The following SDK1 variants were observed in gnomAD, a reference collection of about 807,000 sequenced individuals.
The protein encoded by SDK1 is protein sidekick-1.
A neutral mutation model predicts 245.5 loss-of-function variants in SDK1; 157 were observed. The observed-to-expected ratio is 0.64, with a 90% confidence interval of 0.56 to 0.73. The LOEUF is 0.73. Ranked by LOEUF, SDK1 falls within the 30% of genes least tolerant of loss-of-function variation. The pLI is 0.00. For synonymous variants in SDK1, 1,647 were observed against 1,278.5 expected, an observed-to-expected ratio of 1.29 and a Z score of -6.15; for missense variants, 3,583 against 3,002.3, an observed-to-expected ratio of 1.19 and a Z score of -4.52.
At chr7:3,506,995 A>C (rs1782414751) in intron 1 of SDK1, among the ~76,000 whole-genome samples, 1 of 152,034 alleles carries the variant, frequency 6.6e-6, no homozygotes, top group African/African-American at 2.4e-5. Flanking sequence ...TTTTGTGGGA[A>C]GCTACCTTAC....
intron 14 of SDK1, among the ~76,000 whole-genome samples, chr7:4,001,174 C>G (rs915720442): frequency 6.6e-6 from 1 of 152,204 alleles, no homozygotes; most frequent in African/African-American, 2.4e-5. Flanking sequence ...AGCTTGAGCT[C>G]CAGGAGGTCA....
intron 35 of SDK1, among the ~76,000 whole-genome samples, chr7:4,201,452 C>G (rs1783874532): frequency 6.6e-6 from 1 of 152,298 alleles, no homozygotes; most frequent in Non-Finnish European, 1.5e-5. Flanking sequence ...GAGGAATATA[C>G]AATTTTTAAA....
chr7:3,881,414 C>T (rs555325365), intron 5 of SDK1, among the ~76,000 whole-genome samples: 30 of 152,208 alleles, frequency 2.0e-4, no homozygotes, highest in Non-Finnish European at 2.8e-4. Context: ...CCTTCTGCGT[C>T]CCTGCAAACG....
At chr7:3,498,523 T>C (rs982330966) in intron 1 of SDK1, among the ~76,000 whole-genome samples, 1 of 152,160 alleles carries the variant, frequency 6.6e-6, no homozygotes, top group Non-Finnish European at 1.5e-5. Flanking sequence ...TTGTGGGTAA[T>C]AAAGATTTAT....
At chr7:4,256,404 T>TC (rs1305001032) in intron 44 of SDK1, among the ~76,000 whole-genome samples, 4 of 152,150 alleles carry the variant, frequency 2.6e-5, no homozygotes, top group Non-Finnish European at 4.4e-5. Flanking sequence ...GTGCCTTAAC[T>TC]CCAAGTTTAC....
chr7:3,958,044 C>T (rs1209169843), intron 7 of SDK1: 10 of 470,162 alleles, frequency 2.1e-5, no homozygotes, highest in South Asian at 9.3e-5. Context: ...TTTTAGGTCC[C>T]ACCTTGTTTT....
At position 3,487,296 on chromosome 7, in the gene SDK1, A is replaced by G. The variant is rs975418146; in HGVS notation, c.299-131784A>G. Reference sequence around the variant, plus strand: ...TGTTGAAAAACATACAACTTTACCCATTATTTTGGTATTTCTGGTATTCTC... The same window carrying G: ...TGTTGAAAAACATACAACTTTACCCGTTATTTTGGTATTTCTGGTATTCTC... On this transcript the variant is annotated intron_variant, in intron 1 of 44. Transcript: ENST00000404826. Among the ~76,000 whole-genome samples, 7 of 152,316 alleles carry G rather than the reference A, an allele frequency of 4.6e-5. No homozygotes were observed. The South Asian group carries it at 6.2e-4, about 14-fold the overall frequency.
chr7:3,533,903 C>A (rs1778787673), intron 1 of SDK1, among the ~76,000 whole-genome samples: 1 of 146,344 alleles, frequency 6.8e-6, no homozygotes, highest in Admixed American at 6.8e-5. Flanking sequence ...CTGTTATTTT[C>A]TTGTAAAAAC....
intron 5 of SDK1, among the ~76,000 whole-genome samples, chr7:3,855,707 A>G (rs1780529117): frequency 6.6e-6 from 1 of 152,222 alleles, no homozygotes; most frequent in African/African-American, 2.4e-5. Flanking sequence ...AAAGGCAAAG[A>G]GGCCATTAGG....
chr7:4,127,583 T>C, intron 26 of SDK1, 87 bp downstream of exon 26: 1 of 919,078 alleles, frequency 1.1e-6, no homozygotes, highest in Non-Finnish European at 1.8e-6. Context: ...GCAACGAGCT[T>C]CCTCTTCTCC....
chr7:3,987,422 C>T, intron 14 of SDK1, 100 bp downstream of exon 14: 4 of 1,242,514 alleles, frequency 3.2e-6, no homozygotes, highest in Middle Eastern at 2.8e-4. Context: ...CCCAAAACAA[C>T]TACTAAAATG....
intron 5 of SDK1, among the ~76,000 whole-genome samples, chr7:3,869,561 G>A (rs1701568425): frequency 6.6e-6 from 1 of 152,162 alleles, no homozygotes; most frequent in Non-Finnish European, 1.5e-5. Flanking sequence ...CGGCCACCCT[G>A]TGCCCCCAGC....
intron 13 of SDK1, among the ~76,000 whole-genome samples, chr7:3,979,943 C>T (rs1266037420): frequency 6.6e-6 from 1 of 152,178 alleles, no homozygotes; most frequent in African/African-American, 2.4e-5. Context: ...ACCCAATTTA[C>T]AGAGCTGACT....
chr7:3,548,545 T>C (rs2128622400), intron 1 of SDK1, among the ~76,000 whole-genome samples: 1 of 152,338 alleles, frequency 6.6e-6, no homozygotes, highest in Admixed American at 6.5e-5. Flanking sequence ...AACATCCTAA[T>C]GTCTACATTG....
chr7:3,813,681 C>T (rs1467417084), intron 4 of SDK1, among the ~76,000 whole-genome samples: 27 of 132,714 alleles, frequency 2.0e-4, no homozygotes, highest in African/African-American at 6.7e-4. Flanking sequence ...CCCGAGGAAT[C>T]GCCACACTGA....
At chr7:3,514,543 C>T (rs889045976) in intron 1 of SDK1, among the ~76,000 whole-genome samples, 1 of 152,150 alleles carries the variant, frequency 6.6e-6, no homozygotes, top group African/African-American at 2.4e-5. Context: ...TCAGTCACTG[C>T]TCGCCATTCA....
At chr7:3,384,445 A>G (rs539251706) in intron 1 of SDK1, among the ~76,000 whole-genome samples, 4 of 152,226 alleles carry the variant, frequency 2.6e-5, no homozygotes, top group Admixed American at 6.5e-5. Flanking sequence ...ACTGCGTCCT[A>G]TATGCTTTTA....
intron 4 of SDK1, among the ~76,000 whole-genome samples, chr7:3,664,948 A>G (rs916395629): frequency 6.6e-6 from 1 of 152,178 alleles, no homozygotes; most frequent in Non-Finnish European, 1.5e-5. Context: ...TTTCCAGAGG[A>G]ACAGATGTGA....
chr7:3,874,972 G>A (rs1781039504), intron 5 of SDK1, among the ~76,000 whole-genome samples: 1 of 152,088 alleles, frequency 6.6e-6, no homozygotes, highest in Admixed American at 6.6e-5. Flanking sequence ...GCACCCTTTA[G>A]GGTTCCTGGA....
Sources: gnomAD v4.1 joint callset for allele counts (sites outside exome capture counted in the v4.1 genomes callset) on GRCh38, gnomAD v4.1.1 for gene constraint, MANE v1.5 for transcripts, NCBI Gene and HGNC (gene_info 2026-07-23, HGNC 2026-07-21) for gene names.